Variants in LCORL observed in about 807,000 individuals in gnomAD.
The protein encoded by LCORL is ligand dependent nuclear receptor corepressor like.
LCORL carries 41 observed loss-of-function variants against 141.8 expected under a neutral mutation model. That is an observed-to-expected ratio of 0.29 (90% CI 0.23 to 0.38). The LOEUF is 0.38. LCORL is among the 10% of genes least tolerant of loss of function. The pLI is 1.00. For missense variants in LCORL, 1,759 were observed against 2,035.0 expected, an observed-to-expected ratio of 0.86 and a Z score of 2.61; for synonymous variants, 618 against 694.1, an observed-to-expected ratio of 0.89 and a Z score of 1.72.
intron 1 of LCORL, among the ~76,000 whole-genome samples, chr4:17,983,004 C>A (rs1250151091): frequency 2.0e-5 from 3 of 152,168 alleles, no homozygotes; most frequent in African/African-American, 7.2e-5. Flanking sequence ...TATCCCAGCA[C>A]CATTTATTGA....
At chr4:17,867,451 T>C (rs1343447988) in intron 7 of LCORL, among the ~76,000 whole-genome samples, 2 of 152,178 alleles carry the variant, frequency 1.3e-5, no homozygotes, top group Non-Finnish European at 2.9e-5. Context: ...TGAATGAACA[T>C]GGCAGTGTTC....
intron 4 of LCORL, among the ~76,000 whole-genome samples, chr4:17,957,285 G>C (rs1300866654): frequency 6.6e-6 from 1 of 152,036 alleles, no homozygotes; most frequent in Non-Finnish European, 1.5e-5. Context: ...TAAAGATCTT[G>C]AAAGTTGCCT....
At chr4:17,943,318 T>C in intron 4 of LCORL, among the ~76,000 whole-genome samples, 1 of 152,186 alleles carries the variant, frequency 6.6e-6, no homozygotes, top group South Asian at 2.1e-4. Flanking sequence ...TCAGTGAGTA[T>C]CTCATAAATG....
intron 4 of LCORL, among the ~76,000 whole-genome samples, chr4:17,911,261 T>C (rs980988760): frequency 6.6e-6 from 1 of 151,918 alleles, no homozygotes; most frequent in Non-Finnish European, 1.5e-5. Flanking sequence ...TGAGCACTTA[T>C]ATTTTATTTA....
chr4:17,975,840 T>C (rs1716846348), intron 1 of LCORL, among the ~76,000 whole-genome samples: 1 of 152,244 alleles, frequency 6.6e-6, no homozygotes, highest in Non-Finnish European at 1.5e-5. Flanking sequence ...TATGTGTCTG[T>C]AGTTACTGGG....
At chr4:17,931,439 C>T (rs1039574481) in intron 4 of LCORL, among the ~76,000 whole-genome samples, 3 of 151,764 alleles carry the variant, frequency 2.0e-5, no homozygotes, top group Non-Finnish European at 4.4e-5. Context: ...TAATTTATGG[C>T]TGTAAATACA....
At chr4:17,966,306 C>G (rs1714859004) in intron 2 of LCORL, among the ~76,000 whole-genome samples, 3 of 151,966 alleles carry the variant, frequency 2.0e-5, no homozygotes, top group African/African-American at 7.2e-5. Flanking sequence ...ATTTTTAATA[C>G]TAGAAATGAA....
At chr4:17,912,531 C>T in intron 4 of LCORL, 1 of 479,276 alleles carries the variant, frequency 2.1e-6, no homozygotes, top group Non-Finnish European at 4.1e-6. Context: ...GAGGAGAGCA[C>T]CACAGTCATC....
intron 3 of LCORL, among the ~76,000 whole-genome samples, chr4:17,962,310 G>C (rs898779912): frequency 2.6e-5 from 4 of 151,122 alleles, no homozygotes; most frequent in Non-Finnish European, 5.9e-5. Context: ...CACTATATTG[G>C]CATGCCAGTA....
At chr4:18,018,391 T>G (rs1311308516) in intron 1 of LCORL, among the ~76,000 whole-genome samples, 1 of 152,120 alleles carries the variant, frequency 6.6e-6, no homozygotes, top group East Asian at 1.9e-4. Flanking sequence ...AGTCAAATTA[T>G]AGAAAGTACC....
intron 1 of LCORL, among the ~76,000 whole-genome samples, chr4:18,013,159 TTC>T (rs1040351134): frequency 2.7e-5 from 4 of 147,336 alleles, no homozygotes; most frequent in African/African-American, 7.9e-5. Context: ...TGTAATATTT[TTC>T]TCTCTCCTCT....
intron 4 of LCORL, among the ~76,000 whole-genome samples, chr4:17,926,775 A>G (rs1735218051): frequency 6.6e-6 from 1 of 152,246 alleles, no homozygotes. Context: ...TCAGTAAACC[A>G]TTCTGTAAAC....
At chr4:17,873,998 A>T (rs2109176536) in exon 7 of LCORL, 1 of 1,233,836 alleles carries the variant, frequency 8.1e-7, no homozygotes, top group African/African-American at 1.5e-5. Flanking sequence ...CCCTGATCTC[A>T]GGTGGCAAAA....
chr4:17,863,734 T>G (rs981700352), intron 7 of LCORL, among the ~76,000 whole-genome samples: 1 of 152,106 alleles, frequency 6.6e-6, no homozygotes, highest in South Asian at 2.1e-4. Flanking sequence ...AGCAAAGACA[T>G]GGACTCAACC....
chr4:17,890,391 T>C (rs1408459167), intron 5 of LCORL, among the ~76,000 whole-genome samples: 3 of 152,102 alleles, frequency 2.0e-5, no homozygotes, highest in Non-Finnish European at 2.9e-5. Context: ...GGTGGTATCA[T>C]TGGTTGCTTC....
At chr4:17,859,419 A>G (rs565523045) in intron 7 of LCORL, among the ~76,000 whole-genome samples, 3 of 152,280 alleles carry the variant, frequency 2.0e-5, no homozygotes, top group South Asian at 4.1e-4. Context: ...CAGGAAAAAT[A>G]TATTTTTAAA....
chr4:17,927,716 A>G (rs1735374866), intron 4 of LCORL, among the ~76,000 whole-genome samples: 2 of 152,206 alleles, frequency 1.3e-5, no homozygotes, highest in South Asian at 4.1e-4. Context: ...CACACATTTC[A>G]TCTTCTCATA....
At chr4:17,982,264 TACA>T (rs1002069228) in intron 1 of LCORL, among the ~76,000 whole-genome samples, 1 of 152,146 alleles carries the variant, frequency 6.6e-6, no homozygotes, top group African/African-American at 2.4e-5. Flanking sequence ...TTACATACAA[TACA>T]ACAATTTATA....
At chr4:17,956,225 C>G (rs1345286021) in intron 4 of LCORL, among the ~76,000 whole-genome samples, 1 of 152,034 alleles carries the variant, frequency 6.6e-6, no homozygotes, top group African/African-American at 2.4e-5. Flanking sequence ...GTACATTGTA[C>G]AGCCACTATA....
Sources: allele counts gnomAD v4.1 joint callset (sites outside exome capture counted in the v4.1 genomes callset), GRCh38; gene constraint gnomAD v4.1.1; transcripts MANE v1.5; gene names NCBI Gene and HGNC (gene_info 2026-07-23, HGNC 2026-07-21).